The following PHEX variants were observed in gnomAD, a reference collection of about 807,000 sequenced individuals.
PHEX encodes phosphate regulating endopeptidase X-linked.
Under a neutral mutation model 68.0 loss-of-function variants are expected in PHEX, and 16 were observed. The ratio of observed to expected loss-of-function variants is 0.24; its 90% confidence interval spans 0.16 to 0.36. The LOEUF (loss-of-function observed/expected upper bound fraction) is 0.36, where lower values mean the gene tolerates loss of function less well. Among genes scored for constraint, PHEX ranks in the 10% least tolerant of loss-of-function variants. PHEX has a pLI of 1.00. For missense variants in PHEX, 480 were observed against 575.5 expected (o/e 0.83, Z 1.70); for synonymous variants, 208 against 205.1 (o/e 1.01, Z -0.12).
chrX:22,057,206 G>A (rs1266002466), intron 3 of PHEX, among the ~76,000 whole-genome samples: 1 of 112,192 alleles, frequency 8.9e-6, no homozygotes. Context: ...CTACCAGACA[G>A]CATTGCTCTA....
intron 12 of PHEX, among the ~76,000 whole-genome samples, chrX:22,159,068 G>A (rs757916858): frequency 1.8e-4 from 20 of 113,160 alleles, no homozygotes; most frequent in Non-Finnish European, 3.4e-4. Flanking sequence ...ATAGCAAAGA[G>A]CAAAGCAAAA....
rs182212171 is a variant in PHEX at position 22,038,753 on chromosome X, T to C, written c.187+216T>C. On this transcript the variant is annotated intron_variant, in intron 2 of 21. Coordinates refer to ENST00000379374, the MANE Select transcript of PHEX (RefSeq NM_000444.6). ...TTTTTCCTTGCAAAAACTGTGGTAT[T>C]CTAAGCGTTGTTACAAGGAAATCAG... Among the ~76,000 whole-genome samples the C allele has an allele frequency of 6.7e-3, 745 of 112,026 alleles. 8 individuals are homozygous for C. The highest frequency in any genetic ancestry group is 0.023 in the African/African-American group (700 of 30,848).
intron 3 of PHEX, among the ~76,000 whole-genome samples, chrX:22,073,540 A>G (rs1046569639): frequency 9.0e-6 from 1 of 110,705 alleles, no homozygotes; most frequent in African/African-American, 3.3e-5. Context: ...GAGCATAGTG[A>G]GAAGAAAAAT....
At chrX:22,230,641 T>A (rs1935698484) in intron 20 of PHEX, among the ~76,000 whole-genome samples, 1 of 111,373 alleles carries the variant, frequency 9.0e-6, no homozygotes, top group Admixed American at 9.5e-5. Flanking sequence ...TCCTGAGACT[T>A]TGCCGAAGCT....
intron 12 of PHEX, among the ~76,000 whole-genome samples, chrX:22,148,411 A>G (rs1201992457): frequency 1.8e-5 from 2 of 112,147 alleles, no homozygotes; most frequent in Admixed American, 1.9e-4. Context: ...GTTTTGATGT[A>G]TGTATACATT....
At chrX:22,194,546 TTTACATCTAAGATGTAAC>T (rs1934301966) in intron 15 of PHEX, among the ~76,000 whole-genome samples, 1 of 112,686 alleles carries the variant, frequency 8.9e-6, no homozygotes, top group Non-Finnish European at 1.9e-5. Flanking sequence ...TTAATTGGGT[TTTACATCTAAGATGTAAC>T]TATACTTAGT....
intron 20 of PHEX, among the ~76,000 whole-genome samples, chrX:22,229,475 C>G (rs1207112129): frequency 8.9e-6 from 1 of 112,155 alleles, no homozygotes; most frequent in Non-Finnish European, 1.9e-5. Context: ...TTTTGATTTG[C>G]ATTTCTCTAA....
At chrX:22,061,773 A>C (rs1928375916) in intron 3 of PHEX, among the ~76,000 whole-genome samples, 1 of 111,733 alleles carries the variant, frequency 8.9e-6, no homozygotes, top group Non-Finnish European at 1.9e-5. Context: ...AAAGCCCTGA[A>C]AACTAGGAAG....
At chrX:22,133,464 G>T in intron 11 of PHEX, 59 bp from the exon 12 acceptor site, 1 of 971,720 alleles carries the variant, frequency 1.0e-6, no homozygotes, top group Admixed American at 2.2e-5. Context: ...TTTTGTTCCA[G>T]AAAACCTCGA....
chrX:22,046,539 T>C (rs1242453801), intron 2 of PHEX, among the ~76,000 whole-genome samples: 1 of 106,862 alleles, frequency 9.4e-6, no homozygotes, highest in African/African-American at 3.4e-5. Context: ...GTGATGATAA[T>C]ACCACCAAAC....
At chrX:22,160,346 C>G (rs1389176845) in intron 12 of PHEX, among the ~76,000 whole-genome samples, 3 of 110,215 alleles carry the variant, frequency 2.7e-5, no homozygotes, top group African/African-American at 9.9e-5. Context: ...GTCAGGAGTT[C>G]GAGACCAGCC....
At chrX:22,246,743 A>C (rs1448692557) in intron 21 of PHEX, among the ~76,000 whole-genome samples, 3 of 112,157 alleles carry the variant, frequency 2.7e-5, no homozygotes, top group Non-Finnish European at 5.6e-5. Flanking sequence ...ATGCATCCCT[A>C]CCCATATATT....
intron 11 of PHEX, among the ~76,000 whole-genome samples, chrX:22,121,027 G>T (rs1177326678): frequency 1.8e-5 from 2 of 111,771 alleles, no homozygotes; most frequent in African/African-American, 6.5e-5. Context: ...TCCCCAAACT[G>T]CTTATCTTTA....
chrX:22,156,443 C>A (rs1272339078), intron 12 of PHEX, among the ~76,000 whole-genome samples: 1 of 108,389 alleles, frequency 9.2e-6, no homozygotes. Context: ...ATGGAGAAAG[C>A]CTCTTTCTGC....
At position 22,229,131 on chromosome X, in the gene PHEX, T is replaced by TATCA. The variant is rs952764928; in HGVS notation, c.2070+1521_2070+1524dup. Among the ~76,000 whole-genome samples, 5 of 112,268 alleles carry TATCA rather than the reference T, an allele frequency of 4.5e-5. No homozygotes were observed. In the South Asian group the frequency reaches 1.1e-3, roughly 25 times the overall value. On this transcript the variant is annotated intron_variant, in intron 20 of 21. Coordinates refer to ENST00000379374, the MANE Select transcript of PHEX (RefSeq NM_000444.6). ...CACATTTTCTTTATCCAGTCTAGTC[T>TATCA]ATCACTGATGGACATTTGGGTTGGT...
intron 6 of PHEX, among the ~76,000 whole-genome samples, chrX:22,092,749 C>CTTTTTT (rs370527485): frequency 0.1 from 8,013 of 77,003 alleles, 512 homozygotes; most frequent in Non-Finnish European, 0.12. Context: ...TTCTTTCTTT[C>CTTTTTT]TTTTTTTTTT....
intron 20 of PHEX, among the ~76,000 whole-genome samples, chrX:22,235,457 G>A (rs938841002): frequency 4.5e-5 from 5 of 111,862 alleles, no homozygotes; most frequent in African/African-American, 9.7e-5. Flanking sequence ...GGAAGTCTGC[G>A]ATCAGAGTGC....
intron 13 of PHEX, among the ~76,000 whole-genome samples, chrX:22,176,629 A>G (rs890131548): frequency 1.5e-4 from 16 of 109,676 alleles, no homozygotes; most frequent in African/African-American, 4.9e-4. Flanking sequence ...CTCTGCGTCT[A>G]TCTCCATCTC....
intron 13 of PHEX, among the ~76,000 whole-genome samples, chrX:22,176,425 A>G (rs1330931869): frequency 2.0e-5 from 2 of 102,299 alleles, no homozygotes; most frequent in African/African-American, 7.0e-5. Context: ...ATATATATAT[A>G]TGTATGTATA....
Sources: allele counts gnomAD v4.1 joint callset (sites outside exome capture counted in the v4.1 genomes callset), GRCh38; gene constraint gnomAD v4.1.1; transcripts MANE v1.5; gene names NCBI Gene and HGNC (gene_info 2026-07-23, HGNC 2026-07-21).